Variants in SPATA22 observed in about 807,000 individuals in gnomAD.
SPATA22 encodes the protein spermatogenesis-associated protein 22.
Under a neutral mutation model 47.8 loss-of-function variants are expected in SPATA22, and 29 were observed. The observed-to-expected ratio is 0.61, with a 90% CI of 0.45 to 0.83. SPATA22 has a LOEUF of 0.83. Among genes scored for constraint, SPATA22 ranks in the 40% least tolerant of loss-of-function variants. The probability of loss-of-function intolerance (pLI) is 0.00; values close to 1 mark genes in which losing one functional copy is unlikely to be tolerated. For missense variants in SPATA22, 410 were observed against 421.7 expected, an observed-to-expected ratio of 0.97 and a Z score of 0.24; for synonymous variants, 133 against 140.9, an observed-to-expected ratio of 0.94 and a Z score of 0.40.
chr17:3,471,635 C>T (rs569670848), intron 1 of SPATA22, 47 bp downstream of exon 1: 31 of 985,442 alleles, frequency 3.1e-5, no homozygotes, highest in Middle Eastern at 5.2e-4. Flanking sequence ...TTCCAAAGGC[C>T]TCTCCTGACC....
chr17:3,493,300 C>T (rs368223011), intron 1 of SPATA22, among the ~76,000 whole-genome samples: 12 of 152,088 alleles, frequency 7.9e-5, no homozygotes, highest in African/African-American at 2.7e-4. Context: ...TGGTGGCTCA[C>T]GCCTGTAATC....
intron 8 of SPATA22, among the ~76,000 whole-genome samples, 155 bp downstream of exon 8, chr17:3,443,019 C>G (rs1244214937): frequency 1.3e-5 from 2 of 151,904 alleles, no homozygotes; most frequent in Non-Finnish European, 2.9e-5. Flanking sequence ...AGTAGGCTCT[C>G]TATATTATAA....
chr17:3,513,314 G>A (rs2074138414), intron 1 of SPATA22: 1 of 152,598 alleles, frequency 6.6e-6, no homozygotes, highest in Non-Finnish European at 1.5e-5. Context: ...GGGGTGTCAG[G>A]GGACGTTCAC....
Position 3,485,128 on chromosome 17 carries a change from C to T in SPATA22, c.-73-15730G>A, listed in dbSNP as rs953596503. Among the ~76,000 whole-genome samples, 1 of 152,126 alleles carries T rather than the reference C, an allele frequency of 6.6e-6. No homozygotes were observed. Among genetic ancestry groups the T allele is most frequent in the Non-Finnish European group, 1.5e-5 (1 of 68,022 alleles). ...TGACCTCCTGGGCTCAGGCAATCCT[C>T]CCATCTCAGCCTCCCAAGTAGCTTG... On this transcript the variant is annotated intron_variant, in intron 1 of 8. Coordinates refer to the SPATA22 transcript ENST00000541913. This position sits in a 1 kb window ranked among gnomAD's most constrained non-coding sequence, Gnocchi z 4.4.
intron 6 of SPATA22, among the ~76,000 whole-genome samples, chr17:3,447,062 T>C (rs893533042): frequency 6.6e-6 from 1 of 152,128 alleles, no homozygotes; most frequent in Non-Finnish European, 1.5e-5. Context: ...AGTCAAGATA[T>C]CTGTCCTCGA....
chr17:3,465,160 G>C (rs1414457737), intron 3 of SPATA22, among the ~76,000 whole-genome samples: 1 of 131,932 alleles, frequency 7.6e-6, no homozygotes, highest in Non-Finnish European at 1.7e-5. Flanking sequence ...GAGGTGGGGG[G>C]GTCAGCCCCC....
Position 3,485,383 on chromosome 17 carries a change from C to T in SPATA22, c.-73-15985G>A, listed in dbSNP as rs572355445. 6.6e-6 allele frequency among the ~76,000 whole-genome samples: 1 copy of T among 152,226 alleles called. No homozygotes were observed. The highest frequency in any genetic ancestry group is 2.4e-5 in the African/African-American group (1 of 41,538). On this transcript the variant is annotated intron_variant, in intron 1 of 8. Transcript: ENST00000541913. This position sits in a 1 kb window ranked among gnomAD's most constrained non-coding sequence, Gnocchi z 4.4. Reference sequence around the variant, plus strand: ...TTATCCATTCCTTCCCATGCAGGTTCTATAACTATAACCATATATAAAATA... The same window carrying T: ...TTATCCATTCCTTCCCATGCAGGTTTTATAACTATAACCATATATAAAATA...
In SPATA22 at chr17:3,487,333, A is replaced by C. The variant is rs141145605; in HGVS notation, c.-73-17935T>G. 6.7e-3 allele frequency among the ~76,000 whole-genome samples: 1,015 copies of C among 152,326 alleles called. 4 individuals carry two copies. Among genetic ancestry groups the C allele is most frequent in the Non-Finnish European group, 0.011 (780 of 68,014 alleles). ...GTGAGTGCATGATATAAAATATTCC[A>C]AATAAAACAGCAAAGTTGGAAGGAG... On this transcript the variant is annotated intron_variant, in intron 1 of 8. Transcript: ENST00000541913.
intron 1 of SPATA22, among the ~76,000 whole-genome samples, chr17:3,477,343 C>T (rs772820597): frequency 3.9e-5 from 6 of 152,166 alleles, no homozygotes; most frequent in Admixed American, 6.5e-5. Context: ...CGTAAGCAGT[C>T]ATAACATGCT....
chr17:3,448,755 C>T (rs2150701567), intron 6 of SPATA22, 52 bp downstream of exon 6: 3 of 1,313,394 alleles, frequency 2.3e-6, no homozygotes, highest in East Asian at 2.4e-5. Context: ...AAATATTTAC[C>T]TCATATTTTT....
In SPATA22 at chr17:3,507,717, T is replaced by C. The variant is rs560443866; in HGVS notation, c.-74+5695A>G. On this transcript the variant is annotated intron_variant, in intron 1 of 8. Coordinates refer to the SPATA22 transcript ENST00000541913. Reference sequence around the variant, plus strand: ...ACTGGGATACGACACTCACCAAACCTACAAAACAATAACCAACATGACCGG... The same window carrying C: ...ACTGGGATACGACACTCACCAAACCCACAAAACAATAACCAACATGACCGG... Among the ~76,000 whole-genome samples, 4 of 152,310 alleles carry C rather than the reference T, an allele frequency of 2.6e-5. No individual in the cohort carries two copies. In the East Asian group the frequency reaches 7.7e-4, roughly 29 times the overall value.
chr17:3,472,991 G>A, upstream of SPATA22, among the ~76,000 whole-genome samples: 1 of 151,792 alleles, frequency 6.6e-6, no homozygotes, highest in East Asian at 1.9e-4. Context: ...GTTCCAGAGA[G>A]GAGTTACCCA....
Position 3,455,278 on chromosome 17 carries a change from G to T in SPATA22, c.330-6129C>A, listed in dbSNP as rs180685148. 2.1e-3 allele frequency among the ~76,000 whole-genome samples: 318 copies of T among 152,106 alleles called. 1 individual carries two copies. The highest frequency in any genetic ancestry group is 7.2e-3 in the African/African-American group (301 of 41,522). On this transcript the variant is annotated intron_variant, in intron 5 of 8. Transcript: ENST00000572969. ...CACTCTGATGGTAGTTTCTTTTGCT[G>T]TGCAGAAGCTCTTTAGTTTCATTAG...
At chr17:3,460,215 C>A (rs1053828240) in intron 5 of SPATA22, among the ~76,000 whole-genome samples, 1 of 151,972 alleles carries the variant, frequency 6.6e-6, no homozygotes, top group African/African-American at 2.4e-5. Flanking sequence ...ACTGAAGGAA[C>A]CTTAGATATC....
intron 3 of SPATA22, among the ~76,000 whole-genome samples, chr17:3,464,895 G>T (rs1449654710): frequency 9.3e-6 from 1 of 107,040 alleles, no homozygotes; most frequent in Non-Finnish European, 2.5e-5. Context: ...GGGTGGGGGG[G>T]GGTCAGCCCC....
At chr17:3,460,499 C>CTTCA (rs912228257) in intron 5 of SPATA22, among the ~76,000 whole-genome samples, 12 of 151,996 alleles carry the variant, frequency 7.9e-5, no homozygotes, top group Admixed American at 7.2e-4. Flanking sequence ...CTTCTAAAGC[C>CTTCA]TTCATCTCAC....
chr17:3,493,338 G>A (rs566119209), intron 1 of SPATA22, among the ~76,000 whole-genome samples: 41 of 152,124 alleles, frequency 2.7e-4, no homozygotes, highest in African/African-American at 5.3e-4. Flanking sequence ...TGAGGCGGGC[G>A]GATCACAAGG....
chr17:3,478,872 C>A (rs2073579161), intron 1 of SPATA22, among the ~76,000 whole-genome samples: 1 of 152,200 alleles, frequency 6.6e-6, no homozygotes, highest in Non-Finnish European at 1.5e-5. Context: ...TCCTTTGTCT[C>A]CCACGTCTAG....
intron 5 of SPATA22, among the ~76,000 whole-genome samples, chr17:3,455,979 G>A (rs1305495972): frequency 3.3e-5 from 5 of 152,160 alleles, no homozygotes; most frequent in Admixed American, 6.6e-5. Context: ...ATTGAGCAGT[G>A]ATTTGTAGTT....
Sources: allele counts gnomAD v4.1 joint callset (sites outside exome capture counted in the v4.1 genomes callset), GRCh38; gene constraint gnomAD v4.1.1; non-coding constraint Gnocchi (gnomAD v3.1); transcripts MANE v1.5; gene names NCBI Gene and HGNC (gene_info 2026-07-23, HGNC 2026-07-21).